Variants in DYNLT3 observed in about 807,000 individuals in gnomAD.
The protein encoded by DYNLT3 is dynein light chain Tctex-type 3.
A neutral mutation model predicts 11.0 loss-of-function variants in DYNLT3; 4 were observed. The ratio of observed to expected loss-of-function variants is 0.36; its 90% confidence interval spans 0.18 to 0.83. DYNLT3 has a LOEUF of 0.83. Among genes scored for constraint, DYNLT3 ranks in the 40% least tolerant of loss-of-function variants. DYNLT3 has a pLI of 0.47. For synonymous variants in DYNLT3, 37 were observed against 31.2 expected (o/e 1.18, Z -0.61); for missense variants, 91 against 91.1 (o/e 1.00, Z 0.01).
Position 37,839,694 on chromosome X carries a change from C to T in DYNLT3, c.*881G>A, listed in dbSNP as rs1930104138. ...TGTAACCAGATTCACTTTTTTCCTCCCTTGTAAAACAACTACTTTCTTTTC... is the reference window on the plus strand; with the variant it reads ...TGTAACCAGATTCACTTTTTTCCTCTCTTGTAAAACAACTACTTTCTTTTC... On this transcript the variant is annotated 3_prime_UTR_variant, in exon 5 of 5. Coordinates refer to ENST00000378578, the MANE Select transcript of DYNLT3 (RefSeq NM_006520.3). The T allele has an allele frequency of 8.9e-6, 1 of 112,357 alleles. No individual in the cohort carries two copies. The highest frequency in any genetic ancestry group is 1.9e-5 in the Non-Finnish European group (1 of 53,113). The allele number at this position is 112,357 out of a possible 1,213,427, so 9.3% of individuals were successfully genotyped here.
Position 37,840,375 on chromosome X carries a change from A to C in DYNLT3, c.*200T>G. The C allele has an allele frequency of 3.7e-6, 1 of 273,761 alleles. No individual in the cohort carries two copies. Among genetic ancestry groups the C allele is most frequent in the Non-Finnish European group, 6.7e-6 (1 of 150,303 alleles). The allele number at this position is 273,761 out of a possible 1,213,427, so 22.6% of individuals were successfully genotyped here. A position where few individuals can be genotyped will look rare whatever the true frequency, so the allele number is the denominator to read the frequency against. On this transcript the variant is annotated 3_prime_UTR_variant, in exon 5 of 5. Coordinates refer to ENST00000378578, the MANE Select transcript of DYNLT3 (RefSeq NM_006520.3). ...TGCTAGCATTAAATTTTTCCTATTT[A>C]AACGATGCTGTATAGAATATGAGCT... is the stretch of plus-strand genomic sequence containing the variant.
intron 1 of DYNLT3, chrX:37,846,916 C>T (rs1024682577): frequency 1.1e-6 from 1 of 945,140 alleles, no homozygotes; most frequent in African/African-American, 1.9e-5. Context: ...CTTTGGAGTC[C>T]CCATCAATAA....
Position 37,840,415 on chromosome X carries a change from T to C in DYNLT3, c.*160A>G. The C allele has an allele frequency of 2.6e-6, 1 of 380,321 alleles. No individual in the cohort carries two copies. The highest frequency in any genetic ancestry group is 4.4e-6 in the Non-Finnish European group (1 of 225,516). The allele number at this position is 380,321 out of a possible 1,213,427, so 31.3% of individuals were successfully genotyped here. A position where few individuals can be genotyped will look rare whatever the true frequency, so the allele number is the denominator to read the frequency against. The stretch of plus-strand genomic sequence containing the variant: ...GAATATGAGCTAATCTGCCAATTAC[T>C]ATGATATTGCTTGCTTATAATATTC... On this transcript the variant is annotated 3_prime_UTR_variant, in exon 5 of 5. Coordinates refer to ENST00000378578, the MANE Select transcript of DYNLT3 (RefSeq NM_006520.3).
intron 2 of DYNLT3, 127 bp downstream of exon 2, chrX:37,846,190 T>TAAAAC: frequency 1.4e-6 from 1 of 715,220 alleles, no homozygotes; most frequent in Non-Finnish European, 2.0e-6. Flanking sequence ...TAAAATAAAA[T>TAAAAC]AAAACAAAAC....
chrX:37,846,955 TTC>T, intron 1 of DYNLT3: 1 of 1,131,501 alleles, frequency 8.8e-7, no homozygotes, highest in Non-Finnish European at 1.2e-6. Flanking sequence ...CATCATGGGT[TTC>T]TGGTGAGGGT....
At chrX:37,847,167 G>A in intron 1 of DYNLT3, 2 of 1,123,203 alleles carry the variant, frequency 1.8e-6, no homozygotes, top group East Asian at 3.3e-5. Context: ...AGGCCCGCCC[G>A]GTAGGAGGGC....
intron 3 of DYNLT3, 147 bp downstream of exon 3, chrX:37,841,635 A>G: frequency 1.7e-6 from 1 of 588,835 alleles, no homozygotes; most frequent in South Asian, 8.2e-5. Flanking sequence ...ATTATTATAG[A>G]TTATCTTTGA....
At chrX:37,845,226 A>G (rs1211771315) in intron 2 of DYNLT3, among the ~76,000 whole-genome samples, 1 of 112,310 alleles carries the variant, frequency 8.9e-6, no homozygotes, top group Non-Finnish European at 1.9e-5. Flanking sequence ...CTCTCAGGCT[A>G]CATAGATAGA....
intron 4 of DYNLT3, 72 bp from the exon 5 acceptor site, chrX:37,840,723 TACACACACACACACACACACACAC>T (rs750332268): frequency 1.9e-5 from 8 of 413,196 alleles, no homozygotes; most frequent in African/African-American, 3.1e-5. Flanking sequence ...TATATATATA[TACACACACACACACACACACACAC>T]ATATACACAC....
At chrX:37,841,965 T>C in intron 2 of DYNLT3, 60 bp from the exon 3 acceptor site, 2 of 985,904 alleles carry the variant, frequency 2.0e-6, no homozygotes, top group Non-Finnish European at 2.6e-6. Flanking sequence ...AGAACAATTT[T>C]TACACAAATT....
intron 2 of DYNLT3, among the ~76,000 whole-genome samples, chrX:37,845,521 A>AT (rs1468122530): frequency 8.9e-6 from 1 of 112,292 alleles, no homozygotes; most frequent in Non-Finnish European, 1.9e-5. Flanking sequence ...TTAAATGATC[A>AT]TTTTTTCCAA....
chrX:37,839,611 A>G lies in DYNLT3; in HGVS notation c.*964T>C, dbSNP rs1386111873. 8.9e-6 allele frequency: 1 copy of G among 112,671 alleles called. No homozygotes were observed. The highest frequency in any genetic ancestry group is 1.9e-5 in the Non-Finnish European group (1 of 53,209). 9.3% of individuals were successfully genotyped at this position (112,671 alleles called of 1,213,427 possible). ...CTTGCTAGGAGCAACTCTTAAAATT[A>G]CATCTATAATTCTGTCAGAAAGCAA... On this transcript the variant is annotated 3_prime_UTR_variant, in exon 5 of 5. Coordinates refer to ENST00000378578, the MANE Select transcript of DYNLT3 (RefSeq NM_006520.3).
In DYNLT3 at chrX:37,839,245, C is replaced by T. The variant is rs1231526746; in HGVS notation, c.*1330G>A. Reference sequence around the variant, plus strand: ...AAATTCAATGAGTTATGGTTCCGCTCTCTATATGTATTAGTGTTAGTGGTA... The same window carrying T: ...AAATTCAATGAGTTATGGTTCCGCTTTCTATATGTATTAGTGTTAGTGGTA... On this transcript the variant is annotated 3_prime_UTR_variant, in exon 5 of 5. Transcript: ENST00000378578. 1.8e-5 allele frequency: 2 copies of T among 111,933 alleles called. No individual in the cohort carries two copies. Among genetic ancestry groups the T allele is most frequent in the South Asian group, 3.7e-4 (1 of 2,674 alleles). The allele number at this position is 111,933 out of a possible 1,213,427, so 9.2% of individuals were successfully genotyped here.
intron 4 of DYNLT3, 59 bp downstream of exon 4, chrX:37,840,969 A>G: frequency 9.1e-7 from 1 of 1,102,400 alleles, no homozygotes; most frequent in Non-Finnish European, 1.3e-6. Context: ...TTGGTTAAAA[A>G]GTGCAGTTTG....
chrX:37,842,966 T>C (rs1440903272), intron 2 of DYNLT3, among the ~76,000 whole-genome samples: 1 of 112,045 alleles, frequency 8.9e-6, no homozygotes, highest in Non-Finnish European at 1.9e-5. Context: ...ATTTTTAGAA[T>C]CTAGCTTAAT....
intron 4 of DYNLT3, 67 bp downstream of exon 4, chrX:37,840,961 G>C: frequency 1.9e-6 from 2 of 1,055,306 alleles, no homozygotes; most frequent in South Asian, 1.9e-5. Context: ...ATAAGTACTT[G>C]GTTAAAAAGT....
intron 2 of DYNLT3, among the ~76,000 whole-genome samples, chrX:37,842,837 T>C (rs186239477): frequency 5.6e-4 from 63 of 112,353 alleles, no homozygotes; most frequent in African/African-American, 2.0e-3. Flanking sequence ...ATCATATTGC[T>C]GCTGTTATAT....
chrX:37,840,779 CACACACACACATATAT>C (rs1930136192), intron 4 of DYNLT3, 128 bp from the exon 5 acceptor site: 2 of 391,051 alleles, frequency 5.1e-6, no homozygotes, highest in African/African-American at 9.0e-5. Flanking sequence ...CACACACACA[CACACACACACATATAT>C]ATATATATAT....
intron 2 of DYNLT3, among the ~76,000 whole-genome samples, chrX:37,845,889 G>C (rs1477973642): frequency 8.9e-6 from 1 of 112,383 alleles, no homozygotes; most frequent in African/African-American, 3.2e-5. Context: ...TCTTGTTCTT[G>C]GCCGGGTGTG....
Sources: allele counts gnomAD v4.1 joint callset (sites outside exome capture counted in the v4.1 genomes callset), GRCh38; gene constraint gnomAD v4.1.1; transcripts MANE v1.5; gene names NCBI Gene and HGNC (gene_info 2026-07-23, HGNC 2026-07-21).